STYXL1: variants seen among roughly 807,000 people sequenced by gnomAD.
STYXL1 encodes the protein serine/threonine/tyrosine-interacting-like protein 1.
A neutral mutation model predicts 36.4 loss-of-function variants in STYXL1; 32 were observed. The observed-to-expected ratio is 0.88, with a 90% CI of 0.66 to 1.18. The LOEUF is 1.18. Ranked by LOEUF, STYXL1 falls within the 50% of genes most tolerant of loss-of-function variation. The probability of loss-of-function intolerance (pLI) is 0.00; values close to 1 mark genes in which losing one functional copy is unlikely to be tolerated. For synonymous variants in STYXL1, 133 were observed against 144.1 expected, an observed-to-expected ratio of 0.92 and a Z score of 0.55; for missense variants, 354 against 394.1, an observed-to-expected ratio of 0.90 and a Z score of 0.86.
intron 1 of STYXL1, among the ~76,000 whole-genome samples, chr7:76,034,168 T>C (rs1795688177): frequency 6.6e-6 from 1 of 152,184 alleles, no homozygotes; most frequent in Non-Finnish European, 1.5e-5. Context: ...AGTGGCACTA[T>C]CATAGCTTGC....
At chr7:76,004,163 G>A (rs190163632) in intron 6 of STYXL1, among the ~76,000 whole-genome samples, 9 of 152,006 alleles carry the variant, frequency 5.9e-5, no homozygotes, top group Non-Finnish European at 1.0e-4. Flanking sequence ...GCACGATCTC[G>A]GCTCACTGCA....
At chr7:76,019,673 T>C (rs1554575388) in intron 4 of STYXL1, among the ~76,000 whole-genome samples, 12 of 151,926 alleles carry the variant, frequency 7.9e-5, no homozygotes, top group Admixed American at 7.2e-4. Context: ...GTGGAGGATA[T>C]AAGTGGCTGG....
chr7:76,005,838 A>AGGAGGAAGAG (rs1250368673), intron 5 of STYXL1, among the ~76,000 whole-genome samples: 1 of 23,546 alleles, frequency 4.2e-5, no homozygotes, highest in African/African-American at 1.4e-4. Context: ...AAGAGAGAGG[A>AGGAGGAAGAG]GGAGGAAGAG....
At chr7:76,015,851 G>T (rs146069844) in intron 4 of STYXL1, among the ~76,000 whole-genome samples, 332 of 152,300 alleles carry the variant, frequency 2.2e-3, no homozygotes, top group African/African-American at 7.5e-3. Context: ...TCAGCTGCCA[G>T]TACAGCTACA....
intron 4 of STYXL1, among the ~76,000 whole-genome samples, chr7:76,021,117 G>T (rs1330208885): frequency 2.0e-5 from 3 of 147,600 alleles, no homozygotes; most frequent in Non-Finnish European, 4.4e-5. Context: ...TCGCTCTGTC[G>T]CCCAGGCTGG....
chr7:76,034,226 C>G (rs1554580209), intron 1 of STYXL1, among the ~76,000 whole-genome samples: 2 of 152,158 alleles, frequency 1.3e-5, no homozygotes, highest in Non-Finnish European at 2.9e-5. Context: ...CCTCAGACTC[C>G]TACGTAATTG....
intron 4 of STYXL1, among the ~76,000 whole-genome samples, chr7:76,018,617 C>T (rs1362229217): frequency 6.6e-6 from 1 of 152,192 alleles, no homozygotes; most frequent in Non-Finnish European, 1.5e-5. Context: ...TCTTGAACTC[C>T]TGACCTCAGG....
intron 7 of STYXL1, among the ~76,000 whole-genome samples, chr7:76,002,915 C>A (rs1791157077): frequency 6.6e-6 from 1 of 152,034 alleles, no homozygotes; most frequent in African/African-American, 2.4e-5. Flanking sequence ...ACAAGCCAGA[C>A]CCCGTCTCGA....
rs114807752 is a variant in STYXL1, at chr7:75,997,510, A to T, written c.811-911T>A. Among the ~76,000 whole-genome samples the T allele has an allele frequency of 6.4e-3, 978 of 152,302 alleles. 10 individuals are homozygous for T. Among genetic ancestry groups the T allele is most frequent in the African/African-American group, 0.022 (923 of 41,560 alleles). Reference sequence around the variant, plus strand: ...GAAGCCCACAGCTAACATCACACTCAATGGCGAAAGATAAAGTTTTTCCTC... The same window carrying T: ...GAAGCCCACAGCTAACATCACACTCTATGGCGAAAGATAAAGTTTTTCCTC... On this transcript the variant is annotated intron_variant, in intron 8 of 8. Transcript: ENST00000359697.
At chr7:75,999,798 G>C (rs1023659676) in intron 8 of STYXL1, among the ~76,000 whole-genome samples, 2 of 151,926 alleles carry the variant, frequency 1.3e-5, no homozygotes, top group Non-Finnish European at 2.9e-5. Context: ...TGCCCGCCTC[G>C]GCCTCCCACA....
In STYXL1 at chr7:76,028,633, C is replaced by G. The variant is rs370303241; in HGVS notation, c.165+9G>C. 3 of 1,613,600 alleles carry G rather than the reference C, an allele frequency of 1.9e-6. No homozygotes were observed. The highest frequency in any genetic ancestry group is 2.5e-6 in the Non-Finnish European group (3 of 1,179,806). On this transcript the variant is annotated intron_variant, in intron 3 of 8. Coordinates refer to ENST00000359697, the MANE Select transcript of STYXL1 (RefSeq NM_001317785.2). ...CAGCCTGCCCCAGATCCTGACGCTG[C>G]CCATGTACCTTCTTCACTCGAAGGG...
chr7:76,039,540 C>T (rs1407819502), intron 1 of STYXL1, among the ~76,000 whole-genome samples: 1 of 152,192 alleles, frequency 6.6e-6, no homozygotes, highest in Non-Finnish European at 1.5e-5. Context: ...TCTCTTAACT[C>T]AGAGGGACAC....
intron 8 of STYXL1, among the ~76,000 whole-genome samples, chr7:75,999,517 G>GTATA (rs1393565979): frequency 0.035 from 1,348 of 38,174 alleles, 23 homozygotes; most frequent in Admixed American, 0.17. Flanking sequence ...GTGTATGTGT[G>GTATA]TGTGTGTGTG....
chr7:76,037,928 C>T (rs1226369677), intron 1 of STYXL1, among the ~76,000 whole-genome samples: 3 of 150,188 alleles, frequency 2.0e-5, no homozygotes, highest in African/African-American at 7.3e-5. Flanking sequence ...AACATAGTGA[C>T]AGGCATCAAT....
intron 8 of STYXL1, among the ~76,000 whole-genome samples, chr7:75,997,440 A>T (rs1476632198): frequency 6.6e-6 from 1 of 152,150 alleles, no homozygotes; most frequent in Non-Finnish European, 1.5e-5. Context: ...TCTCAAAAAC[A>T]AAAAAGGAAG....
chr7:76,039,996 G>T (rs1554581818), intron 1 of STYXL1, among the ~76,000 whole-genome samples: 2 of 152,114 alleles, frequency 1.3e-5, no homozygotes. Context: ...TGGATCAGAG[G>T]CCTAGATCCA....
chr7:76,006,796 A>G (rs1430285860), intron 5 of STYXL1, among the ~76,000 whole-genome samples: 6 of 151,654 alleles, frequency 4.0e-5, no homozygotes, highest in Non-Finnish European at 1.5e-5. Flanking sequence ...AACAACAACA[A>G]CAACAACAAA....
intron 5 of STYXL1, among the ~76,000 whole-genome samples, chr7:76,005,799 G>A (rs1196300786): frequency 1.3e-5 from 2 of 148,148 alleles, no homozygotes; most frequent in African/African-American, 5.0e-5. Context: ...TTTAAGCATC[G>A]AGAGAGAGAG....
At chr7:76,016,297 CAT>C (rs1266598560) in intron 4 of STYXL1, among the ~76,000 whole-genome samples, 48 of 150,946 alleles carry the variant, frequency 3.2e-4, no homozygotes, top group Non-Finnish European at 6.6e-4. Flanking sequence ...TCTATACATA[CAT>C]GTGTATATAT....
Sources: allele counts gnomAD v4.1 joint callset (sites outside exome capture counted in the v4.1 genomes callset), GRCh38; gene constraint gnomAD v4.1.1; transcripts MANE v1.5; gene names NCBI Gene and HGNC (gene_info 2026-07-23, HGNC 2026-07-21).